Variants in RBFOX1 observed in about 807,000 individuals in gnomAD.
RBFOX1 encodes the protein RNA binding fox-1 homolog 1.
RBFOX1 carries 8 observed loss-of-function variants against 57.7 expected under a neutral mutation model. That is an observed-to-expected ratio of 0.14 (90% CI 0.08 to 0.25). RBFOX1 has a LOEUF of 0.25. RBFOX1 is among the 10% of genes least tolerant of loss of function. The pLI is 1.00. For missense variants in RBFOX1, 611 were observed against 548.5 expected, an observed-to-expected ratio of 1.11 and a Z score of -1.14; for synonymous variants, 326 against 222.4, an observed-to-expected ratio of 1.47 and a Z score of -4.15.
intron 4 of RBFOX1, among the ~76,000 whole-genome samples, chr16:7,173,910 G>A (rs2081187993): frequency 6.6e-6 from 1 of 152,194 alleles, no homozygotes; most frequent in South Asian, 2.1e-4. Context: ...AGTTGAGGAT[G>A]AGACCAAAAC....
intron 2 of RBFOX1, among the ~76,000 whole-genome samples, chr16:6,449,545 G>A (rs764301458): frequency 1.3e-5 from 2 of 152,214 alleles, no homozygotes; most frequent in Non-Finnish European, 2.9e-5. Flanking sequence ...TCAGTTGGCT[G>A]AATCGGAGGA....
intron 1 of RBFOX1, among the ~76,000 whole-genome samples, chr16:6,159,265 C>T (rs1402137282): frequency 3.9e-5 from 6 of 151,938 alleles, no homozygotes; most frequent in South Asian, 2.1e-4. Context: ...TTAGTAGACA[C>T]GGGGTTTCAC....
At chr16:7,684,630 A>T (rs1316357642) in intron 14 of RBFOX1, among the ~76,000 whole-genome samples, 2 of 152,056 alleles carry the variant, frequency 1.3e-5, no homozygotes, top group East Asian at 1.9e-4. Context: ...TAAAGAAAAA[A>T]AAAAACATGA....
chr16:5,909,598 G>A (rs2152206595), intron 4 of RBFOX1, among the ~76,000 whole-genome samples: 1 of 152,252 alleles, frequency 6.6e-6, no homozygotes, highest in East Asian at 1.9e-4. Context: ...CTGAGTATAA[G>A]TGAAGCCACT....
intron 3 of RBFOX1, among the ~76,000 whole-genome samples, chr16:7,005,845 G>T (rs986586146): frequency 6.6e-6 from 1 of 152,152 alleles, no homozygotes; most frequent in South Asian, 2.1e-4. Context: ...ACCGACTACA[G>T]CTTTCGCTTC....
At chr16:7,668,070 CA>C (rs1281610916) in intron 13 of RBFOX1, among the ~76,000 whole-genome samples, 1 of 152,154 alleles carries the variant, frequency 6.6e-6, no homozygotes, top group Non-Finnish European at 1.5e-5. Flanking sequence ...TCTTCCTGCT[CA>C]AAATGTTCTC....
chr16:6,643,941 C>T (rs1237586030), intron 2 of RBFOX1, among the ~76,000 whole-genome samples: 2 of 152,060 alleles, frequency 1.3e-5, no homozygotes, highest in African/African-American at 4.8e-5. Context: ...GCCTGGCCAA[C>T]ATGGGGAAAC....
chr16:5,879,675 T>C (rs781472369), intron 4 of RBFOX1, among the ~76,000 whole-genome samples: 4 of 152,226 alleles, frequency 2.6e-5, no homozygotes, highest in Non-Finnish European at 4.4e-5. Flanking sequence ...GGCTAAGCTA[T>C]GCAAGTAACA....
chr16:5,573,987 A>T (rs553716621), intron 2 of RBFOX1, among the ~76,000 whole-genome samples: 1 of 152,186 alleles, frequency 6.6e-6, no homozygotes, highest in South Asian at 2.1e-4. Context: ...AAAATGAAAC[A>T]AGTCTGTTCC....
intron 4 of RBFOX1, among the ~76,000 whole-genome samples, chr16:7,152,152 A>G (rs2076228856): frequency 6.6e-6 from 1 of 152,186 alleles, no homozygotes. Context: ...TGTTTGGATC[A>G]CATCCTCACC....
At chr16:6,161,943 G>A (rs1333597044) in intron 1 of RBFOX1, among the ~76,000 whole-genome samples, 1 of 152,172 alleles carries the variant, frequency 6.6e-6, no homozygotes, top group East Asian at 1.9e-4. Flanking sequence ...TGCAGGGGCT[G>A]GAGGCCCTCT....
chr16:5,409,637 A>G (rs2151460095), intron 1 of RBFOX1, among the ~76,000 whole-genome samples: 1 of 152,342 alleles, frequency 6.6e-6, no homozygotes. Context: ...CAAACTGGCC[A>G]GGCTCCTTGC....
chr16:7,052,942 T>C (rs2153731713), intron 4 of RBFOX1, among the ~76,000 whole-genome samples: 1 of 152,306 alleles, frequency 6.6e-6, no homozygotes, highest in South Asian at 2.1e-4. Flanking sequence ...TTTCAAATTG[T>C]TATAAAAATC....
intron 4 of RBFOX1, among the ~76,000 whole-genome samples, chr16:7,421,379 T>C (rs2098541190): frequency 6.6e-6 from 1 of 152,212 alleles, no homozygotes; most frequent in African/African-American, 2.4e-5. Context: ...GCCAGTTTAA[T>C]GGACACTTTT....
intron 2 of RBFOX1, among the ~76,000 whole-genome samples, chr16:6,587,010 T>TTGTG (rs140293624): frequency 0.015 from 2,259 of 150,772 alleles, 49 homozygotes; most frequent in African/African-American, 0.051. Context: ...CCCCTGTTTA[T>TTGTG]TGTGTGTGTG....
At chr16:7,366,192 G>T (rs2097442870) in intron 4 of RBFOX1, among the ~76,000 whole-genome samples, 1 of 152,210 alleles carries the variant, frequency 6.6e-6, no homozygotes, top group African/African-American at 2.4e-5. Flanking sequence ...TTTTAAGCCA[G>T]GCTGCCACCC....
intron 3 of RBFOX1, among the ~76,000 whole-genome samples, chr16:6,741,950 A>G (rs572520800): frequency 4.3e-4 from 65 of 152,300 alleles, no homozygotes; most frequent in African/African-American, 1.4e-3. Flanking sequence ...ATAATTCTGT[A>G]TTATATTCTT....
At chr16:6,233,205 C>T (rs770427250) in intron 1 of RBFOX1, among the ~76,000 whole-genome samples, 3 of 152,108 alleles carry the variant, frequency 2.0e-5, no homozygotes, top group Non-Finnish European at 4.4e-5. Flanking sequence ...ATTCACTTGC[C>T]GTCAGTGGCA....
intron 2 of RBFOX1, among the ~76,000 whole-genome samples, chr16:5,597,069 G>A (rs549260756): frequency 2.0e-4 from 30 of 152,188 alleles, no homozygotes; most frequent in Admixed American, 6.5e-4. Flanking sequence ...GTTCAGAAAC[G>A]ATGTACAGAA....
Sources: allele counts gnomAD v4.1 joint callset (sites outside exome capture counted in the v4.1 genomes callset), GRCh38; gene constraint gnomAD v4.1.1; transcripts MANE v1.5; gene names NCBI Gene and HGNC (gene_info 2026-07-23, HGNC 2026-07-21).